LAMA1: variants seen among roughly 807,000 people sequenced by gnomAD.
LAMA1 encodes laminin subunit alpha 1.
In LAMA1, 219 loss-of-function variants were observed where a neutral mutation model predicts 348.7. The observed-to-expected ratio is 0.63, with a 90% CI of 0.56 to 0.70. LAMA1 has a LOEUF of 0.70. Ranked by LOEUF, LAMA1 falls within the 30% of genes least tolerant of loss-of-function variation. The probability of loss-of-function intolerance (pLI) is 0.00; values close to 1 mark genes in which losing one functional copy is unlikely to be tolerated. For missense variants in LAMA1, 3,744 were observed against 3,888.0 expected, an observed-to-expected ratio of 0.96 and a Z score of 0.99; for synonymous variants, 1,487 against 1,491.0, an observed-to-expected ratio of 1.00 and a Z score of 0.06.
At chr18:7,021,842 T>TATTATATAATATATATTATATAATA (rs1464512885) in intron 19 of LAMA1, among the ~76,000 whole-genome samples, 66 of 62,462 alleles carry the variant, frequency 1.1e-3, no homozygotes, top group African/African-American at 7.2e-3. Flanking sequence ...TAATAATATA[T>TATTATATAATATATATTATATAATA]TATATTATAT....
chr18:6,967,240 T>C (rs1568011052), intron 48 of LAMA1, among the ~76,000 whole-genome samples: 1 of 152,342 alleles, frequency 6.6e-6, no homozygotes, highest in East Asian at 1.9e-4. Flanking sequence ...TCTTGCTTTT[T>C]CAAAAATTTC....
At chr18:7,010,900 C>T (rs2057856691) in intron 25 of LAMA1, among the ~76,000 whole-genome samples, 1 of 152,178 alleles carries the variant, frequency 6.6e-6, no homozygotes, top group Non-Finnish European at 1.5e-5. Flanking sequence ...CAGTGGGTCC[C>T]ATACCACGTA....
intron 3 of LAMA1, among the ~76,000 whole-genome samples, chr18:7,073,020 C>G (rs2058152206): frequency 6.6e-6 from 1 of 152,142 alleles, no homozygotes; most frequent in Admixed American, 6.5e-5. Context: ...ATAGGAGACT[C>G]TCTTCCCAGG....
At chr18:7,080,868 A>G (rs1399937713) in intron 1 of LAMA1, among the ~76,000 whole-genome samples, 1 of 152,180 alleles carries the variant, frequency 6.6e-6, no homozygotes. Flanking sequence ...TAAATAAATA[A>G]AAGAATCATA....
At chr18:7,060,694 T>C (rs59649600) in intron 3 of LAMA1, among the ~76,000 whole-genome samples, 2,442 of 152,240 alleles carry the variant, frequency 0.016, 69 homozygotes, top group African/African-American at 0.055. Flanking sequence ...TAGTAACCCA[T>C]GATCGGTAAT....
At chr18:7,035,107 T>G (rs929328751) in intron 13 of LAMA1, among the ~76,000 whole-genome samples, 4 of 152,186 alleles carry the variant, frequency 2.6e-5, no homozygotes, top group Admixed American at 1.3e-4. Context: ...TTGGTCAGGC[T>G]GGAGATGGAG....
At chr18:7,056,400 T>C (rs2143737600) in intron 3 of LAMA1, among the ~76,000 whole-genome samples, 1 of 152,328 alleles carries the variant, frequency 6.6e-6, no homozygotes, top group Middle Eastern at 3.4e-3. Flanking sequence ...TGGAAAGAAC[T>C]AACAAGTTTA....
intron 3 of LAMA1, among the ~76,000 whole-genome samples, chr18:7,052,596 G>A (rs916656865): frequency 2.0e-5 from 3 of 151,992 alleles, no homozygotes; most frequent in South Asian, 4.1e-4. Flanking sequence ...CCGTGGAGGC[G>A]CATGCATGTA....
chr18:7,052,557 C>T (rs996980182), intron 3 of LAMA1, among the ~76,000 whole-genome samples: 1 of 151,448 alleles, frequency 6.6e-6, no homozygotes, highest in Admixed American at 6.6e-5. Flanking sequence ...TGAAACCACA[C>T]CTCTACTAAA....
In LAMA1 at chr18:7,037,667, G is replaced by C. The variant is rs1372245680; in HGVS notation, c.1648C>G (p.His550Asp). The change falls in exon 12 of 63, where the codon CAT becomes GAT. Residue 550 changes from histidine (H) to aspartate (D), a missense_variant. Physicochemically the swap from His to Asp is moderately conservative, Grantham distance 81 (BLOSUM62 -1). Around this residue, in one of 3 missense-constraint regions of LAMA1, gnomAD observed 1,529 missense variants for 1,689.4 expected, o/e 0.91. Coordinates refer to ENST00000389658, the MANE Select transcript of LAMA1 (RefSeq NM_005559.4). ...PSQQDALGGRHQVSINNTAVM... is the reference protein window; with the variant it reads ...PSQQDALGGRDQVSINNTAVM... The stretch of plus-strand genomic sequence containing the variant: ...GCGGTGTTGTTGATGCTGACCTGAT[G>C]GCGCCCGCCTAGTGCATCTTGCTGA... 6.2e-7 allele frequency: 1 copy of C among 1,614,018 alleles called. No homozygotes were observed. Among genetic ancestry groups the C allele is most frequent in the Non-Finnish European group, 8.5e-7 (1 of 1,180,036 alleles).
At chr18:6,942,835 T>C (rs961986193) in intron 62 of LAMA1, among the ~76,000 whole-genome samples, 2 of 152,214 alleles carry the variant, frequency 1.3e-5, no homozygotes, top group African/African-American at 4.8e-5. Flanking sequence ...TAATCCAAAA[T>C]TGACCAGAGA....
At chr18:7,010,415 TC>T in intron 25 of LAMA1, 30 bp from the exon 26 acceptor site, 2 of 1,601,072 alleles carry the variant, frequency 1.2e-6, no homozygotes, top group Non-Finnish European at 8.5e-7. Context: ...TGTTTACTTC[TC>T]TGACAAAGCT....
intron 3 of LAMA1, among the ~76,000 whole-genome samples, chr18:7,072,177 A>G (rs2058148867): frequency 6.6e-6 from 1 of 152,158 alleles, no homozygotes; most frequent in Middle Eastern, 3.2e-3. Flanking sequence ...GCATAACTGC[A>G]CTCCTTAATC....
intron 39 of LAMA1, 60 bp downstream of exon 39, chr18:6,985,177 A>G: frequency 5.1e-6 from 8 of 1,554,518 alleles, no homozygotes; most frequent in African/African-American, 1.4e-5. Flanking sequence ...AGAAACATCC[A>G]TCTATTTCTC....
At chr18:7,018,375 G>C (rs1271377770) in intron 19 of LAMA1, among the ~76,000 whole-genome samples, 1 of 140,364 alleles carries the variant, frequency 7.1e-6, no homozygotes, top group Non-Finnish European at 1.5e-5. Context: ...TTAATATGTT[G>C]CCTGACAAAA....
rs746980743 is a variant in LAMA1, at chr18:7,023,204, G to C, written c.2661C>G (p.Asp887Glu). Residue 887 changes from aspartate to glutamate, a missense_variant, in exon 19 of 63, where the codon GAC becomes GAG. Coordinates refer to ENST00000389658, the MANE Select transcript of LAMA1 (RefSeq NM_005559.4). ...CTGTCACAGCGTCCCCATAGAACCCGTCAGCACACCTTTCACAGTGGGCGC... is the reference window on the plus strand; with the variant it reads ...CTGTCACAGCGTCCCCATAGAACCCCTCAGCACACCTTTCACAGTGGGCGC... ...TDGAHCERCA[D>E]GFYGDAVTAK... The C allele has an allele frequency of 6.2e-7, 1 of 1,613,312 alleles. No individual in the cohort carries two copies. Among genetic ancestry groups the C allele is most frequent in the Non-Finnish European group, 8.5e-7 (1 of 1,179,954 alleles).
Position 7,026,095 on chromosome 18 carries a change from G to T in LAMA1, c.2286C>A (p.His762Gln), listed in dbSNP as rs927090563. 6.8e-6 allele frequency: 11 copies of T among 1,611,126 alleles called. No homozygotes were observed. Among genetic ancestry groups the T allele is most frequent in the Non-Finnish European group, 8.5e-6 (10 of 1,178,592 alleles). The change falls in exon 17 of 63, where the codon CAC becomes CAA. Residue 762 changes from histidine to glutamine, a missense_variant. His to Gln is a conservative substitution (Grantham distance 24). This residue lies in a region of LAMA1 where 1,529 missense variants were observed against 1,689.4 expected (regional missense o/e 0.91). Transcript: ENST00000389658. ...NVHGVCIACA[H>Q]NTTGVHCEQC... ...GCTCACAGTGGACGCCGGTGGTGTTGTGCGCACACGCCTAGGAACATGCAC... is the reference window on the plus strand; with the variant it reads ...GCTCACAGTGGACGCCGGTGGTGTTTTGCGCACACGCCTAGGAACATGCAC...
intron 48 of LAMA1, among the ~76,000 whole-genome samples, chr18:6,969,111 T>C (rs963431485): frequency 2.0e-5 from 3 of 152,024 alleles, no homozygotes; most frequent in Non-Finnish European, 4.4e-5. Context: ...TCACAAAATA[T>C]GTTTTACGAG....
chr18:7,024,355 G>A (rs761323650), intron 18 of LAMA1, 25 bp downstream of exon 18: 2 of 1,587,410 alleles, frequency 1.3e-6, no homozygotes, highest in Admixed American at 3.3e-5. Context: ...TCGAAAATGT[G>A]TTGAAGCCAG....
Sources: gnomAD v4.1 joint callset for allele counts (sites outside exome capture counted in the v4.1 genomes callset) on GRCh38, gnomAD v4.1.1 for gene constraint, gnomAD v4.1.1 regional missense constraint, MANE v1.5 for transcripts, NCBI Gene and HGNC (gene_info 2026-07-23, HGNC 2026-07-21) for gene names.